The following ACOT7 variants were observed in gnomAD, a reference collection of about 807,000 sequenced individuals.
The protein encoded by ACOT7 is acyl-CoA thioesterase 7, also known as cytosolic acyl coenzyme A thioester hydrolase.
In ACOT7, 12 loss-of-function variants were observed where a neutral mutation model predicts 40.2. The observed-to-expected ratio is 0.30, with a 90% CI of 0.19 to 0.48. The LOEUF is 0.48. Among genes scored for constraint, ACOT7 ranks in the 20% least tolerant of loss-of-function variants. The pLI is 0.99. For missense variants in ACOT7, 395 were observed against 530.8 expected, an observed-to-expected ratio of 0.74 and a Z score of 2.51; for synonymous variants, 228 against 219.5, an observed-to-expected ratio of 1.04 and a Z score of -0.34.
intron 6 of ACOT7, among the ~76,000 whole-genome samples, chr1:6,300,814 C>T (rs76941373): frequency 1.2e-3 from 183 of 151,146 alleles, no homozygotes; most frequent in South Asian, 5.1e-3. Flanking sequence ...TCCTGATGCG[C>T]GGCCGGTCCC....
intron 2 of ACOT7, among the ~76,000 whole-genome samples, chr1:6,342,111 G>C (rs546780829): frequency 1.4e-3 from 208 of 152,312 alleles, no homozygotes; most frequent in Admixed American, 2.7e-3. Flanking sequence ...AGTCCTGGAG[G>C]GGGGAAGTCT....
At chr1:6,364,361 G>A (rs1343509681) in intron 1 of ACOT7, among the ~76,000 whole-genome samples, 1 of 151,524 alleles carries the variant, frequency 6.6e-6, no homozygotes, top group Non-Finnish European at 1.5e-5. Context: ...GACCAACATG[G>A]AAAAACCCCA....
Position 6,384,587 on chromosome 1 carries a change from G to T in ACOT7, c.143+8670C>A, listed in dbSNP as rs909228695. On this transcript the variant is annotated intron_variant, in intron 1 of 8. Coordinates refer to ENST00000361521, the MANE Select transcript of ACOT7 (RefSeq NM_007274.4). The stretch of plus-strand genomic sequence containing the variant: ...CACTTCTCCAACTCTCCGACACTAG[G>T]TGGGTGTCCTACAATTCAAGTAAAG... 1.1e-4 allele frequency among the ~76,000 whole-genome samples: 17 copies of T among 151,834 alleles called. 1 individual carries two copies. Among genetic ancestry groups the T allele is most frequent in the Non-Finnish European group, 2.5e-4 (17 of 67,892 alleles).
chr1:6,308,515 G>A (rs138164558), intron 6 of ACOT7, among the ~76,000 whole-genome samples: 12,887 of 146,186 alleles, frequency 0.088, 963 homozygotes, highest in African/African-American at 0.2. Flanking sequence ...AACTACAACC[G>A]GGCAGAGGGA....
At chr1:6,321,429 CCCACT>C (rs1167917617) in intron 5 of ACOT7, among the ~76,000 whole-genome samples, 3 of 152,168 alleles carry the variant, frequency 2.0e-5, no homozygotes, top group East Asian at 1.9e-4. Context: ...ACTTTTCCAT[CCCACT>C]CCACTCCACT....
intron 1 of ACOT7, among the ~76,000 whole-genome samples, chr1:6,374,683 G>A (rs1329879349): frequency 2.6e-5 from 4 of 152,184 alleles, no homozygotes; most frequent in African/African-American, 9.6e-5. Flanking sequence ...TGCGCCTGGA[G>A]GGCCTCAGTG....
intron 6 of ACOT7, among the ~76,000 whole-genome samples, chr1:6,314,590 G>A (rs1340347753): frequency 1.3e-5 from 2 of 151,856 alleles, no homozygotes; most frequent in African/African-American, 2.4e-5. Flanking sequence ...ACAAGCAAAC[G>A]TGGGGGTAGT....
chr1:6,286,473 C>T (rs1411874051), intron 7 of ACOT7, among the ~76,000 whole-genome samples: 1 of 152,188 alleles, frequency 6.6e-6, no homozygotes, highest in Non-Finnish European at 1.5e-5. Flanking sequence ...CCTGTCAAGG[C>T]CAGTCTCCGG....
At chr1:6,346,328 C>T (rs1641420134) in intron 2 of ACOT7, among the ~76,000 whole-genome samples, 1 of 152,222 alleles carries the variant, frequency 6.6e-6, no homozygotes, top group Non-Finnish European at 1.5e-5. Flanking sequence ...CCTCAAACTC[C>T]TGAGCTCAAG....
chr1:6,268,588 C>A (rs144800394), intron 8 of ACOT7, among the ~76,000 whole-genome samples: 1 of 152,216 alleles, frequency 6.6e-6, no homozygotes, highest in Non-Finnish European at 1.5e-5. Flanking sequence ...CCCCACTCCC[C>A]GCCAAGAGGC....
rs1022912316 is a variant in ACOT7 at position 6,274,077 on chromosome 1, C to A, written c.1014+7025G>T. Among the ~76,000 whole-genome samples the A allele has an allele frequency of 1.2e-4, 19 of 152,198 alleles. No individual in the cohort carries two copies. The highest frequency in any genetic ancestry group is 4.6e-4 in the African/African-American group (19 of 41,446). On this transcript the variant is annotated intron_variant, in intron 8 of 8. Transcript: ENST00000361521. The surrounding 1 kb of genome is among the most constrained non-coding windows in gnomAD (Gnocchi z 5.9). ...GAGAGGAACGGGGCCCATGCGAGGACCCCAGGCCCCTCTGCACACCGTGCC... is the reference window on the plus strand; with the variant it reads ...GAGAGGAACGGGGCCCATGCGAGGAACCCAGGCCCCTCTGCACACCGTGCC...
At chr1:6,385,486 C>T (rs911213277) in intron 1 of ACOT7, 1 of 1,605,814 alleles carries the variant, frequency 6.2e-7, no homozygotes, top group Admixed American at 1.7e-5. Flanking sequence ...TATTCCCAGT[C>T]ATCCTACCTT....
At chr1:6,371,515 A>G (rs1413656839) in intron 1 of ACOT7, among the ~76,000 whole-genome samples, 1 of 151,888 alleles carries the variant, frequency 6.6e-6, no homozygotes, top group Non-Finnish European at 1.5e-5. Context: ...GGCAAGTGCC[A>G]CCACACTCAG....
At chr1:6,351,195 G>A (rs1448393328) in intron 1 of ACOT7, among the ~76,000 whole-genome samples, 1 of 152,138 alleles carries the variant, frequency 6.6e-6, no homozygotes, top group African/African-American at 2.4e-5. Context: ...CTCCACCCTG[G>A]GTGAGAGTCT....
At chr1:6,286,510 C>T (rs1639508020) in intron 7 of ACOT7, among the ~76,000 whole-genome samples, 1 of 152,154 alleles carries the variant, frequency 6.6e-6, no homozygotes, top group African/African-American at 2.4e-5. Flanking sequence ...CGGGAGGAGC[C>T]CTGAGTTCCA....
chr1:6,367,783 G>A (rs907957182), intron 1 of ACOT7, among the ~76,000 whole-genome samples: 1 of 152,202 alleles, frequency 6.6e-6, no homozygotes, highest in African/African-American at 2.4e-5. Flanking sequence ...TGGCAAGAAG[G>A]GGCATGTTTC....
chr1:6,274,733 G>A lies in ACOT7; in HGVS notation c.1014+6369C>T, dbSNP rs2148370294. 6.6e-6 allele frequency among the ~76,000 whole-genome samples: 1 copy of A among 152,348 alleles called. No homozygotes were observed. Among genetic ancestry groups the A allele is most frequent in the South Asian group, 2.1e-4 (1 of 4,826 alleles). Reference sequence around the variant, plus strand: ...GCCCCAACCCCCACACTCCACAGTGGCCTGTGGAGGTTCAGTCACCTGCCC... The same window carrying A: ...GCCCCAACCCCCACACTCCACAGTGACCTGTGGAGGTTCAGTCACCTGCCC... On this transcript the variant is annotated intron_variant, in intron 8 of 8. Transcript: ENST00000361521. This position sits in a 1 kb window ranked among gnomAD's most constrained non-coding sequence, Gnocchi z 5.9.
intron 1 of ACOT7, chr1:6,385,842 G>C (rs1220561268): frequency 2.1e-6 from 3 of 1,411,180 alleles, no homozygotes; most frequent in Non-Finnish European, 2.8e-6. Flanking sequence ...CCGGCAAGCC[G>C]CCTCCTCGGC....
intron 3 of ACOT7, among the ~76,000 whole-genome samples, chr1:6,334,699 C>T (rs1641052308): frequency 6.6e-6 from 1 of 152,194 alleles, no homozygotes; most frequent in Admixed American, 6.5e-5. Flanking sequence ...GAAGGCTGTC[C>T]GTGCTGAGAA....
Sources: gnomAD v4.1 joint callset for allele counts (sites outside exome capture counted in the v4.1 genomes callset) on GRCh38, gnomAD v4.1.1 for gene constraint, Gnocchi (gnomAD v3.1) non-coding constraint, MANE v1.5 for transcripts, NCBI Gene and HGNC (gene_info 2026-07-23, HGNC 2026-07-21) for gene names.